PROS1: variants seen among roughly 807,000 people sequenced by gnomAD.
The protein encoded by PROS1 is vitamin K-dependent protein S.
A neutral mutation model predicts 75.9 loss-of-function variants in PROS1; 29 were observed. The ratio of observed to expected loss-of-function variants is 0.38; its 90% CI spans 0.28 to 0.52. The LOEUF is 0.52. Among genes scored for constraint, PROS1 ranks in the 20% least tolerant of loss-of-function variants. The probability of loss-of-function intolerance (pLI) is 0.83; values close to 1 mark genes in which losing one functional copy is unlikely to be tolerated. For missense variants in PROS1, 680 were observed against 810.3 expected (o/e 0.84, Z 1.95); for synonymous variants, 245 against 280.6 (o/e 0.87, Z 1.27).
intron 6 of PROS1, 43 bp from the exon 7 acceptor site, chr3:93,900,972 C>T (rs933176671): frequency 1.3e-6 from 2 of 1,593,362 alleles, no homozygotes; most frequent in East Asian, 2.3e-5. Context: ...TTTCCCATAC[C>T]AGCAGACACT....
At chr3:93,971,485 G>A (rs1709880813) in intron 1 of PROS1, among the ~76,000 whole-genome samples, 1 of 151,332 alleles carries the variant, frequency 6.6e-6, no homozygotes, top group East Asian at 1.9e-4. Flanking sequence ...TCATATGGAG[G>A]CTGGGCACAG....
intron 7 of PROS1, among the ~76,000 whole-genome samples, chr3:93,899,985 A>G (rs1416804126): frequency 6.6e-6 from 1 of 152,186 alleles, no homozygotes; most frequent in Non-Finnish European, 1.5e-5. Flanking sequence ...TACATTATAC[A>G]TGTGTGTGAA....
chr3:93,928,064 G>T (rs751473107), intron 1 of PROS1, among the ~76,000 whole-genome samples: 1 of 128,818 alleles, frequency 7.8e-6, no homozygotes, highest in Non-Finnish European at 1.6e-5. Context: ...GCCCAGGCTG[G>T]AGTGCAGTGG....
chr3:93,948,816 G>A (rs371482708), intron 1 of PROS1, among the ~76,000 whole-genome samples: 7 of 152,106 alleles, frequency 4.6e-5, no homozygotes, highest in African/African-American at 1.7e-4. Flanking sequence ...ATTTTTAAAA[G>A]ATACCTTCCA....
At chr3:93,874,680 G>A (rs1708157458) in intron 14 of PROS1, among the ~76,000 whole-genome samples, 1 of 152,010 alleles carries the variant, frequency 6.6e-6, no homozygotes, top group South Asian at 2.1e-4. Flanking sequence ...GTAGAAACAA[G>A]CATATTCTTG....
chr3:93,927,909 G>GTGTGTATATATATATGTGTATATATA (rs1559941430), intron 1 of PROS1, among the ~76,000 whole-genome samples: 2 of 136,354 alleles, frequency 1.5e-5, no homozygotes, highest in Admixed American at 1.5e-4. Flanking sequence ...ATGTGTGTGT[G>GTGTGTATATATATATGTGTATATATA]TGTGTATATA....
At chr3:93,900,751 A>C (rs535609192) in intron 7 of PROS1, 53 bp downstream of exon 7, 86 of 1,608,804 alleles carry the variant, frequency 5.3e-5, no homozygotes, top group Non-Finnish European at 6.6e-5. Flanking sequence ...ATATCAGTTC[A>C]GGGTTCACAC....
intron 12 of PROS1, among the ~76,000 whole-genome samples, chr3:93,881,067 G>A (rs1298843129): frequency 6.6e-6 from 1 of 152,122 alleles, no homozygotes; most frequent in Admixed American, 6.6e-5. Context: ...GCTCATGCCT[G>A]TAACACCAGC....
intron 1 of PROS1, among the ~76,000 whole-genome samples, chr3:93,965,946 C>T (rs1428901908): frequency 2.6e-5 from 4 of 152,102 alleles, no homozygotes; most frequent in South Asian, 2.1e-4. Context: ...CCACCTGCCT[C>T]GGCCTCCCAA....
intron 3 of PROS1, among the ~76,000 whole-genome samples, chr3:93,922,316 C>T (rs529319415): frequency 2.0e-5 from 3 of 152,142 alleles, no homozygotes; most frequent in Non-Finnish European, 2.9e-5. Context: ...TATATTTAGG[C>T]TCAGAGTTCA....
At chr3:93,911,554 G>T (rs371943193) in intron 3 of PROS1, among the ~76,000 whole-genome samples, 2 of 152,290 alleles carry the variant, frequency 1.3e-5, no homozygotes, top group Non-Finnish European at 2.9e-5. Flanking sequence ...TGCAGAGTTT[G>T]GTTGGGTTGT....
chr3:93,970,690 C>T (rs550184621), intron 1 of PROS1, among the ~76,000 whole-genome samples: 4 of 152,076 alleles, frequency 2.6e-5, no homozygotes, highest in African/African-American at 7.2e-5. Flanking sequence ...CTCTCTCATA[C>T]ATATATGTAT....
intron 14 of PROS1, among the ~76,000 whole-genome samples, chr3:93,874,761 G>A (rs1325539518): frequency 1.3e-5 from 2 of 152,000 alleles, no homozygotes; most frequent in East Asian, 3.9e-4. Flanking sequence ...TTTAAGCATT[G>A]TTAAATCATT....
intron 1 of PROS1, among the ~76,000 whole-genome samples, chr3:93,954,916 G>C (rs190625891): frequency 2.6e-5 from 4 of 152,154 alleles, no homozygotes; most frequent in African/African-American, 9.7e-5. Flanking sequence ...AGTGGGCAAA[G>C]GATATGAACA....
At chr3:93,896,301 T>C (rs1708500055) in intron 9 of PROS1, among the ~76,000 whole-genome samples, 1 of 152,136 alleles carries the variant, frequency 6.6e-6, no homozygotes, top group Admixed American at 6.5e-5. Flanking sequence ...AGCTTCTTAG[T>C]AAATATGCAT....
chr3:93,885,618 C>CTCCATCAG (rs1708335200), intron 11 of PROS1, among the ~76,000 whole-genome samples: 1 of 152,150 alleles, frequency 6.6e-6, no homozygotes, highest in Non-Finnish European at 1.5e-5. Context: ...ATTCTTTAGC[C>CTCCATCAG]TCCATCAAGT....
chr3:93,952,256 C>A (rs1559949629), intron 1 of PROS1, among the ~76,000 whole-genome samples: 1 of 152,174 alleles, frequency 6.6e-6, no homozygotes, highest in Non-Finnish European at 1.5e-5. Context: ...ACTCTCCACC[C>A]CAAATCAACA....
At chr3:93,969,661 A>C (rs2107272723) in intron 1 of PROS1, among the ~76,000 whole-genome samples, 1 of 152,292 alleles carries the variant, frequency 6.6e-6, no homozygotes, top group South Asian at 2.1e-4. Context: ...GGTCACCTAA[A>C]TGTTCGCATT....
At chr3:93,941,510 C>T (rs1376358997) in intron 1 of PROS1, among the ~76,000 whole-genome samples, 3 of 152,320 alleles carry the variant, frequency 2.0e-5, no homozygotes, top group Non-Finnish European at 2.9e-5. Context: ...AAAACCATCA[C>T]ATAAACTCAC....
Sources: gnomAD v4.1 joint callset for allele counts (sites outside exome capture counted in the v4.1 genomes callset) on GRCh38, gnomAD v4.1.1 for gene constraint, MANE v1.5 for transcripts, NCBI Gene and HGNC (gene_info 2026-07-23, HGNC 2026-07-21) for gene names.